Variants in ACBD3 observed in about 807,000 individuals in gnomAD.
ACBD3 encodes Golgi resident protein GCP60.
Under a neutral mutation model 66.9 loss-of-function variants are expected in ACBD3, and 30 were observed. The ratio of observed to expected loss-of-function variants is 0.45; its 90% CI spans 0.34 to 0.61. The LOEUF is 0.61. Among genes scored for constraint, ACBD3 ranks in the 20% least tolerant of loss-of-function variants. The pLI is 0.02. For missense variants in ACBD3, 544 were observed against 664.5 expected (o/e 0.82, Z 1.99); for synonymous variants, 278 against 259.8 (o/e 1.07, Z -0.68).
chr1:226,176,429 CAA>C (rs34313392), intron 1 of ACBD3, among the ~76,000 whole-genome samples: 4,020 of 83,130 alleles, frequency 0.048, 51 homozygotes, highest in Non-Finnish European at 0.068. Flanking sequence ...GACTCCGTCT[CAA>C]AAAAAAAAAA....
intron 3 of ACBD3, among the ~76,000 whole-genome samples, chr1:226,164,317 C>G (rs1659828762): frequency 6.6e-6 from 1 of 152,030 alleles, no homozygotes; most frequent in Non-Finnish European, 1.5e-5. Flanking sequence ...TTCAGTAGCT[C>G]CTCCTCCAAA....
chr1:226,149,881 C>CA lies in ACBD3; in HGVS notation c.1375+2453dup, dbSNP rs527300462. 3.4e-4 allele frequency among the ~76,000 whole-genome samples: 51 copies of CA among 151,746 alleles called. 1 individual carries two copies. In the South Asian group the frequency reaches 9.6e-3, roughly 28 times the overall value. The stretch of plus-strand genomic sequence containing the variant: ...GTAAGTACAGTAATTTGTATGCATA[C>CA]AAAAAACTTTCCTTCCCAGACATCT... On this transcript the variant is annotated intron_variant, in intron 7 of 7. Transcript: ENST00000366812.
Position 226,154,713 on chromosome 1 carries a change from T to C in ACBD3, c.1024A>G (p.Thr342Ala). Reference sequence around the variant, plus strand: ...TCCAGTTCTTTTTCGGAGCTGTCAGTGTGTGTTTTGGCCTGTCCATTAACT... The same window carrying C: ...TCCAGTTCTTTTTCGGAGCTGTCAGCGTGTGTTTTGGCCTGTCCATTAACT... The part of the protein sequence containing the change: ...MSVNGQAKTH[T>A]DSSEKELEPE... Residue 342 changes from threonine (T) to alanine (A), a missense_variant, in exon 6 of 8, where the codon ACT (threonine) becomes GCT (alanine). Transcript: ENST00000366812. 6.2e-7 allele frequency: 1 copy of C among 1,613,856 alleles called. No homozygotes were observed. Among genetic ancestry groups the C allele is most frequent in the Admixed American group, 1.7e-5 (1 of 59,994 alleles).
At chr1:226,183,644 A>G (rs1301587919) in intron 1 of ACBD3, among the ~76,000 whole-genome samples, 2 of 152,176 alleles carry the variant, frequency 1.3e-5, no homozygotes, top group African/African-American at 4.8e-5. Flanking sequence ...CTATAATCCC[A>G]ACACTTTGGG....
At chr1:226,174,908 C>G (rs915484343) in intron 1 of ACBD3, among the ~76,000 whole-genome samples, 1 of 151,826 alleles carries the variant, frequency 6.6e-6, no homozygotes, top group Non-Finnish European at 1.5e-5. Flanking sequence ...GCCTGACCAA[C>G]ATGGTGAAAC....
rs1659417599 is a variant in ACBD3, at chr1:226,144,872, G to A, written c.*1738C>T. ...GCTCCCAAGAACAATGATATTTTTA[G>A]GAGATAATTCATCTTAACATGTGCA... On this transcript the variant is annotated 3_prime_UTR_variant, in exon 8 of 8. Transcript: ENST00000366812. The A allele has an allele frequency of 6.6e-6, 1 of 152,600 alleles. No individual in the cohort carries two copies. The highest frequency in any genetic ancestry group is 6.5e-5 in the Admixed American group (1 of 15,268). 9.5% of individuals were successfully genotyped at this position (152,600 alleles called of 1,614,324 possible). A position where few individuals can be genotyped will look rare whatever the true frequency, so the allele number is the denominator to read the frequency against.
intron 1 of ACBD3, among the ~76,000 whole-genome samples, chr1:226,180,542 G>A (rs537979438): frequency 6.6e-5 from 10 of 152,252 alleles, no homozygotes; most frequent in African/African-American, 2.4e-4. Context: ...ATTCACAGTA[G>A]CTCTTGTATT....
At chr1:226,149,267 C>T (rs1659516499) in intron 7 of ACBD3, among the ~76,000 whole-genome samples, 1 of 151,556 alleles carries the variant, frequency 6.6e-6, no homozygotes, top group African/African-American at 2.4e-5. Flanking sequence ...GGCTCTGTCG[C>T]CCAGGCTGGA....
chr1:226,174,326 T>C (rs1010040049), intron 1 of ACBD3, among the ~76,000 whole-genome samples: 1 of 152,206 alleles, frequency 6.6e-6, no homozygotes, highest in Admixed American at 6.5e-5. Flanking sequence ...CTGCTTTCTA[T>C]GGCAAACAAA....
At chr1:226,180,696 C>A (rs1656151067) in intron 1 of ACBD3, among the ~76,000 whole-genome samples, 1 of 152,120 alleles carries the variant, frequency 6.6e-6, no homozygotes, top group African/African-American at 2.4e-5. Flanking sequence ...GTTAAAATCA[C>A]TTACATTAAA....
Position 226,154,770 on chromosome 1 carries a change from C to A in ACBD3, c.967G>T (p.Val323Leu), listed in dbSNP as rs1659641276. 6.2e-7 allele frequency: 1 copy of A among 1,613,318 alleles called. No individual in the cohort carries two copies. Among genetic ancestry groups the A allele is most frequent in the African/African-American group, 1.3e-5 (1 of 74,872 alleles). The change falls in exon 6 of 8, where the codon GTG becomes TTG. Residue 323 changes from valine (V) to leucine (L), a missense_variant. Transcript: ENST00000366812. ...AGSSLPTSSK[V>L]NATVPSNMMS... ...ATATTACTTGGTACAGTTGCATTCA[C>A]TTTTGATGATGTAGGCAAGGAAGAC... is the stretch of plus-strand genomic sequence containing the variant.
chr1:226,183,622 G>A (rs573836379), intron 1 of ACBD3, among the ~76,000 whole-genome samples: 4 of 152,142 alleles, frequency 2.6e-5, no homozygotes, highest in Admixed American at 1.3e-4. Flanking sequence ...TGCCGGGCAC[G>A]GTGGCTCACG....
At chr1:226,184,603 TG>T (rs777249723) in intron 1 of ACBD3, among the ~76,000 whole-genome samples, 1 of 152,212 alleles carries the variant, frequency 6.6e-6, no homozygotes, top group Non-Finnish European at 1.5e-5. Flanking sequence ...AAACTGATTC[TG>T]GAAAAGTTAA....
At chr1:226,179,241 C>G (rs1414760189) in intron 1 of ACBD3, among the ~76,000 whole-genome samples, 1 of 152,126 alleles carries the variant, frequency 6.6e-6, no homozygotes, top group African/African-American at 2.4e-5. Flanking sequence ...AGTGCCTGCA[C>G]AGAGCAGACA....
In ACBD3 at chr1:226,145,463, T is replaced by C. The variant is rs1037837230; in HGVS notation, c.*1147A>G. On this transcript the variant is annotated 3_prime_UTR_variant, in exon 8 of 8. Coordinates refer to ENST00000366812, the MANE Select transcript of ACBD3 (RefSeq NM_022735.4). ...ACAAGAATCACTAGCCAATCACTTA[T>C]ACAAATTTGAGGCAATTAATCCATA... is the stretch of plus-strand genomic sequence containing the variant. The C allele has an allele frequency of 4.6e-5, 7 of 152,664 alleles. No individual in the cohort carries two copies. Among genetic ancestry groups the C allele is most frequent in the African/African-American group, 1.7e-4 (7 of 41,570 alleles). 9.5% of individuals were successfully genotyped at this position (152,664 alleles called of 1,614,324 possible).
intron 1 of ACBD3, among the ~76,000 whole-genome samples, chr1:226,168,285 C>G (rs1032357720): frequency 6.6e-6 from 1 of 152,040 alleles, no homozygotes; most frequent in Admixed American, 6.6e-5. Flanking sequence ...TGATTAACCC[C>G]GGGTATCTGA....
intron 1 of ACBD3, among the ~76,000 whole-genome samples, chr1:226,176,150 G>A (rs1306488332): frequency 6.6e-6 from 1 of 152,172 alleles, no homozygotes; most frequent in Non-Finnish European, 1.5e-5. Context: ...GCTTGCGGCT[G>A]GGCGTGGTGG....
At chr1:226,162,957 C>T (rs930531519) in intron 3 of ACBD3, among the ~76,000 whole-genome samples, 5 of 151,838 alleles carry the variant, frequency 3.3e-5, no homozygotes, top group African/African-American at 7.3e-5. Context: ...TAACCACATC[C>T]GGCTAATTTT....
rs1478232351 is a variant in ACBD3 at position 226,160,941 on chromosome 1, C to CA, written c.728+589dup. Among the ~76,000 whole-genome samples, 26 of 152,204 alleles carry CA rather than the reference C, an allele frequency of 1.7e-4. 1 individual carries two copies. The highest frequency in any genetic ancestry group is 1.7e-3 in the Admixed American group (26 of 15,280). ...GATTCCAGCCAGTCTCTGTCAGATG[C>CA]ATGGAAACATAGACCAAATAAATCC... On this transcript the variant is annotated intron_variant, in intron 4 of 7. Transcript: ENST00000366812.
Sources: gnomAD v4.1 joint callset for allele counts (sites outside exome capture counted in the v4.1 genomes callset) on GRCh38, gnomAD v4.1.1 for gene constraint, MANE v1.5 for transcripts, NCBI Gene and HGNC (gene_info 2026-07-23, HGNC 2026-07-21) for gene names.